CD244: variants seen among roughly 807,000 people sequenced by gnomAD.
The protein encoded by CD244 is natural killer cell receptor 2B4.
A neutral mutation model predicts 45.5 loss-of-function variants in CD244; 20 were observed. That is an observed-to-expected ratio of 0.44 (90% CI 0.31 to 0.64). CD244 has a LOEUF of 0.64. Among genes scored for constraint, CD244 ranks in the 30% least tolerant of loss-of-function variants. The pLI is 0.08. For missense variants in CD244, 407 were observed against 426.9 expected, an observed-to-expected ratio of 0.95 and a Z score of 0.41; for synonymous variants, 185 against 160.5, an observed-to-expected ratio of 1.15 and a Z score of -1.15.
At chr1:160,838,858 A>G (rs970871382) in intron 4 of CD244, 81 bp downstream of exon 4, 1 of 904,934 alleles carries the variant, frequency 1.1e-6, no homozygotes, top group African/African-American at 1.7e-5. Context: ...GTGCTCCCAG[A>G]CACATCCCAC....
In CD244 at chr1:160,839,027, C is replaced by T. The variant is rs765187856; in HGVS notation, c.678G>A (p.Leu226=). The T allele has an allele frequency of 6.2e-7, 1 of 1,613,572 alleles. No homozygotes were observed. The highest frequency in any genetic ancestry group is 1.1e-5 in the South Asian group (1 of 91,000). The change falls in exon 4 of 9, where the codon TTG becomes TTA. Residue 226 remains leucine, a synonymous_variant. Coordinates refer to ENST00000368034, the MANE Select transcript of CD244 (RefSeq NM_016382.4). Reference sequence around the variant, plus strand: ...GTGCGCTTAGAATCACGATGATCACCAAAAACGGCCAAAATCTGAATTCTG... The same window carrying T: ...GTGCGCTTAGAATCACGATGATCACTAAAAACGGCCAAAATCTGAATTCTG... ...AHQEFRFWPF[L]VIIVILSALF...
At chr1:160,853,986 G>T (rs1232765515) in intron 1 of CD244, among the ~76,000 whole-genome samples, 1 of 152,012 alleles carries the variant, frequency 6.6e-6, no homozygotes, top group Non-Finnish European at 1.5e-5. Context: ...AAAAAGCCAA[G>T]GCCTGCCTGG....
In CD244 at chr1:160,841,809, C is replaced by A. The variant is rs201856283; in HGVS notation, c.154G>T (p.Ala52Ser). ...NSIQTKVDSIAWKKLLPSQNG... is the reference protein window; with the variant it reads ...NSIQTKVDSISWKKLLPSQNG... ...TGTGAGGGCAGCAACTTCTTCCATG[C>A]AATGCTGTCAACCTTCGTCTGTATG... is the stretch of plus-strand genomic sequence containing the variant. Residue 52 changes from alanine to serine, a missense_variant, in exon 2 of 9, where the codon GCA becomes TCA. By Grantham distance (99) the Ala-to-Ser change is moderately conservative. Transcript: ENST00000368034. 7.4e-6 allele frequency: 12 copies of A among 1,614,116 alleles called. No homozygotes were observed. The highest frequency in any genetic ancestry group is 9.3e-6 in the Non-Finnish European group (11 of 1,179,980).
chr1:160,857,795 C>T (rs1670163276), intron 1 of CD244, among the ~76,000 whole-genome samples: 1 of 152,192 alleles, frequency 6.6e-6, no homozygotes, highest in South Asian at 2.1e-4. Context: ...ATCTGTAATC[C>T]CAGTAATTTG....
intron 1 of CD244, among the ~76,000 whole-genome samples, chr1:160,861,321 T>TC (rs1670294502): frequency 6.6e-6 from 1 of 152,188 alleles, no homozygotes; most frequent in Non-Finnish European, 1.5e-5. Context: ...CACCTGAGCC[T>TC]TGACTGTGTC....
At position 160,841,398 on chromosome 1, in the gene CD244, C is replaced by T. The variant is rs760448230; in HGVS notation, c.467G>A (p.Arg156Lys). Residue 156 changes from arginine (R) to lysine (K), a missense_variant, in exon 3 of 9, where the codon AGG becomes AAG. By Grantham distance (26) the Arg-to-Lys change is conservative. Transcript: ENST00000368034. ...CCAAGCATAGGACACATTGCCATCC[C>T]TGGAGACCAAGCAAGACAGAGCCAC... ...CQVALSCLVS[R>K]DGNVSYAWYR... 5 of 1,614,106 alleles carry T rather than the reference C, an allele frequency of 3.1e-6. No homozygotes were observed. The highest frequency in any genetic ancestry group is 4.2e-6 in the Non-Finnish European group (5 of 1,180,058).
At chr1:160,834,671 A>G (rs142492639) in intron 6 of CD244, among the ~76,000 whole-genome samples, 40 of 152,078 alleles carry the variant, frequency 2.6e-4, no homozygotes, top group African/African-American at 9.4e-4. Flanking sequence ...CTCTTTTAAC[A>G]CTCCTATAAA....
chr1:160,851,228 T>C lies in CD244; in HGVS notation c.62-9327A>G, dbSNP rs1669908468. On this transcript the variant is annotated intron_variant, in intron 1 of 8. Transcript: ENST00000368034. ...TCAATCCCTCTCCTTTTCCTGAAGGTTGGGGACGGGCTCAGAGTCCAATAT... is the reference window on the plus strand; with the variant it reads ...TCAATCCCTCTCCTTTTCCTGAAGGCTGGGGACGGGCTCAGAGTCCAATAT... Among the ~76,000 whole-genome samples, 3 of 152,298 alleles carry C rather than the reference T, an allele frequency of 2.0e-5. No homozygotes were observed. The South Asian group carries it at 6.2e-4, about 32-fold the overall frequency.
intron 4 of CD244, 49 bp downstream of exon 4, chr1:160,838,890 G>C: frequency 1.6e-6 from 2 of 1,269,696 alleles, no homozygotes; most frequent in Non-Finnish European, 2.3e-6. Context: ...CAAAGTCACA[G>C]GATCCAAGGC....
At chr1:160,860,974 G>A (rs1368089502) in intron 1 of CD244, among the ~76,000 whole-genome samples, 1 of 152,236 alleles carries the variant, frequency 6.6e-6, no homozygotes, top group Non-Finnish European at 1.5e-5. Flanking sequence ...GGCCGGCATA[G>A]CCAAGCCCAG....
chr1:160,850,080 A>C (rs1669869948), intron 1 of CD244, among the ~76,000 whole-genome samples: 1 of 152,240 alleles, frequency 6.6e-6, no homozygotes, highest in Non-Finnish European at 1.5e-5. Flanking sequence ...TAGGAAACCA[A>C]GAGGACTATA....
chr1:160,859,610 A>T (rs987259446), intron 1 of CD244, among the ~76,000 whole-genome samples: 1 of 152,162 alleles, frequency 6.6e-6, no homozygotes, highest in African/African-American at 2.4e-5. Context: ...AAATAATTTT[A>T]AAAATGCATA....
At chr1:160,832,218 G>C (rs1380796069) in intron 8 of CD244, among the ~76,000 whole-genome samples, 2 of 152,160 alleles carry the variant, frequency 1.3e-5, no homozygotes, top group Non-Finnish European at 2.9e-5. Context: ...TCTTGGAAAG[G>C]AGAGATGTCC....
At chr1:160,836,905 A>C (rs1227951747) in intron 5 of CD244, among the ~76,000 whole-genome samples, 2 of 152,192 alleles carry the variant, frequency 1.3e-5, no homozygotes, top group Non-Finnish European at 2.9e-5. Flanking sequence ...TGCAAGCAAA[A>C]TTCCTGGAAG....
chr1:160,846,926 A>G (rs966038997), intron 1 of CD244, among the ~76,000 whole-genome samples: 2 of 152,216 alleles, frequency 1.3e-5, no homozygotes, highest in Non-Finnish European at 2.9e-5. Context: ...AATTCAAACT[A>G]TATTGTTGGA....
In CD244 at chr1:160,853,733, A is replaced by T. The variant is rs562653230; in HGVS notation, c.61+8884T>A. 4.7e-4 allele frequency among the ~76,000 whole-genome samples: 68 copies of T among 145,928 alleles called. No individual in the cohort carries two copies. The Middle Eastern group carries it at 0.018, about 39-fold the overall frequency. On this transcript the variant is annotated intron_variant, in intron 1 of 8. Transcript: ENST00000368034. ...TGGGAGGCAGGGGTTGCAGTGAGCC[A>T]TGACTGCACCACTGCACCCCAGCCT...
chr1:160,845,397 G>A (rs1189327485), intron 1 of CD244, among the ~76,000 whole-genome samples: 1 of 152,044 alleles, frequency 6.6e-6, no homozygotes, highest in Non-Finnish European at 1.5e-5. Context: ...TTGAGATATA[G>A]CAAAAACAAA....
chr1:160,850,067 A>G (rs1329901678), intron 1 of CD244, among the ~76,000 whole-genome samples: 3 of 152,220 alleles, frequency 2.0e-5, no homozygotes, highest in Admixed American at 2.0e-4. Context: ...ATACCTGTGT[A>G]TATAGGAAAC....
rs1317022136 is a variant in CD244, at chr1:160,834,053, T to C, written c.958A>G (p.Lys320Glu). ...TLYSLIQPSRKSGSRKRNHSP... is the reference protein window; with the variant it reads ...TLYSLIQPSRESGSRKRNHSP... ...CACCACCACGGGAAGAGGCTCACCT[T>C]CCTGGAAGGCTGAATTAATGAATAT... is the stretch of plus-strand genomic sequence containing the variant. The change falls in exon 7 of 9, where the codon AAG becomes GAG. Residue 320 changes from lysine to glutamate, a missense_variant and splice_region_variant. Transcript: ENST00000368034. The C allele has an allele frequency of 5.6e-6, 9 of 1,609,810 alleles. No homozygotes were observed. Among genetic ancestry groups the C allele is most frequent in the Middle Eastern group, 1.7e-4 (1 of 6,042 alleles).
Sources: allele counts gnomAD v4.1 joint callset (sites outside exome capture counted in the v4.1 genomes callset), GRCh38; gene constraint gnomAD v4.1.1; transcripts MANE v1.5; gene names NCBI Gene and HGNC (gene_info 2026-07-23, HGNC 2026-07-21).